KIF21A: variants seen among roughly 807,000 people sequenced by gnomAD.
The protein encoded by KIF21A is kinesin family member 21A.
In KIF21A, 114 loss-of-function variants were observed where a neutral mutation model predicts 202.9. The observed-to-expected ratio is 0.56, with a 90% CI of 0.48 to 0.66. The LOEUF (loss-of-function observed/expected upper bound fraction) is 0.66, where lower values mean the gene tolerates loss of function less well. KIF21A is among the 30% of genes least tolerant of loss of function. The pLI is 0.00. For synonymous variants in KIF21A, 667 were observed against 670.8 expected (o/e 0.99, Z 0.09); for missense variants, 1,677 against 1,994.9 (o/e 0.84, Z 3.04).
intron 1 of KIF21A, among the ~76,000 whole-genome samples, chr12:39,426,110 G>A (rs550567969): frequency 3.3e-5 from 5 of 152,188 alleles, no homozygotes; most frequent in African/African-American, 9.6e-5. Flanking sequence ...ACAAGACACT[G>A]AGATTGATGA....
chr12:39,345,927 G>A (rs1947849086), intron 12 of KIF21A, among the ~76,000 whole-genome samples: 1 of 151,860 alleles, frequency 6.6e-6, no homozygotes, highest in South Asian at 2.1e-4. Flanking sequence ...TCAACCTTAA[G>A]AATGTCTTAT....
chr12:39,403,034 T>A (rs552041991), intron 1 of KIF21A, among the ~76,000 whole-genome samples: 11 of 152,320 alleles, frequency 7.2e-5, no homozygotes, highest in African/African-American at 2.2e-4. Flanking sequence ...TACTCATAAT[T>A]CAAGAATGTG....
At chr12:39,429,055 A>G (rs1176036778) in intron 1 of KIF21A, among the ~76,000 whole-genome samples, 1 of 152,108 alleles carries the variant, frequency 6.6e-6, no homozygotes, top group East Asian at 1.9e-4. Context: ...GTGATCAATT[A>G]TGGGGTCTTA....
Position 39,307,654 on chromosome 12 carries a change from C to A in KIF21A, c.4353G>T (p.Glu1451Asp). 6.2e-7 allele frequency: 1 copy of A among 1,613,938 alleles called. No individual in the cohort carries two copies. Among genetic ancestry groups the A allele is most frequent in the South Asian group, 1.1e-5 (1 of 91,078 alleles). ...TTAGGGCAATTTGATTGATCTGGTT[C>A]TCTCCAGAAGGAATAGCTACTGTTC... is the stretch of plus-strand genomic sequence containing the variant. Reference protein sequence around the residue: ...TSRTVAIPSGENQINQIALNP... With the variant: ...TSRTVAIPSGDNQINQIALNP... Residue 1451 changes from glutamate to aspartate, a missense_variant, in exon 34 of 38, where the codon GAG (glutamate) becomes GAT (aspartate). This residue lies in a region of KIF21A where 705 missense variants were observed against 791.9 expected (regional missense o/e 0.89). Coordinates refer to ENST00000361418, the MANE Select transcript of KIF21A (RefSeq NM_001173464.2).
Position 39,304,766 on chromosome 12 carries a change from C to T in KIF21A, c.4560+55G>A. 4.2e-6 allele frequency: 4 copies of T among 957,502 alleles called. No homozygotes were observed. The South Asian group carries it at 5.2e-5, about 12-fold the overall frequency. The allele number at this position is 957,502 out of a possible 1,614,324, so 59.3% of individuals were successfully genotyped here. A position where few individuals can be genotyped will look rare whatever the true frequency, so the allele number is the denominator to read the frequency against. On this transcript the variant is annotated intron_variant, in intron 35 of 37. Transcript: ENST00000361418. ...AAGAGGTCCTAGATGAATCTGAATACTTCAAAATTATCATTTAATAGACAA... is the reference window on the plus strand; with the variant it reads ...AAGAGGTCCTAGATGAATCTGAATATTTCAAAATTATCATTTAATAGACAA...
At chr12:39,364,937 C>T (rs369160331) in intron 6 of KIF21A, among the ~76,000 whole-genome samples, 26 of 152,280 alleles carry the variant, frequency 1.7e-4, no homozygotes, top group East Asian at 5.8e-4. Context: ...CTAGAGACCA[C>T]GAGATTCCCA....
At chr12:39,390,253 C>T (rs139420485) in intron 1 of KIF21A, among the ~76,000 whole-genome samples, 150 of 152,142 alleles carry the variant, frequency 9.9e-4, no homozygotes, top group Middle Eastern at 3.4e-3. Flanking sequence ...CACTGTAAAA[C>T]CTTTACAAAG....
At chr12:39,374,897 CT>C (rs921884956) in intron 1 of KIF21A, among the ~76,000 whole-genome samples, 18 of 152,122 alleles carry the variant, frequency 1.2e-4, no homozygotes, top group African/African-American at 4.1e-4. Context: ...GAATAAACTA[CT>C]TTTTTTTCCC....
chr12:39,351,886 T>C lies in KIF21A; in HGVS notation c.1564A>G (p.Thr522Ala). Residue 522 changes from threonine to alanine, a missense_variant, in exon 11 of 38, where the codon ACT becomes GCT. Physicochemically the swap from Thr to Ala is moderately conservative, Grantham distance 58. Around this residue, in one of 3 missense-constraint regions of KIF21A, gnomAD observed 966 missense variants for 1,180.9 expected, o/e 0.82. Coordinates refer to ENST00000361418, the MANE Select transcript of KIF21A (RefSeq NM_001173464.2). ...ARAPYFSGSSTFSPTILSSDK... is the reference protein window; with the variant it reads ...ARAPYFSGSSAFSPTILSSDK... ...GAGGATAGTATGGTAGGAGAAAAAGTTGATGATCCGCTGAAATATGGCGCT... is the reference window on the plus strand; with the variant it reads ...GAGGATAGTATGGTAGGAGAAAAAGCTGATGATCCGCTGAAATATGGCGCT... 1 of 1,613,230 alleles carries C rather than the reference T, an allele frequency of 6.2e-7. No individual in the cohort carries two copies. Among genetic ancestry groups the C allele is most frequent in the East Asian group, 2.2e-5 (1 of 44,860 alleles).
intron 1 of KIF21A, among the ~76,000 whole-genome samples, chr12:39,391,294 T>C (rs1247986981): frequency 6.6e-6 from 1 of 151,286 alleles, no homozygotes; most frequent in African/African-American, 2.4e-5. Context: ...TACTGAAGGA[T>C]TCAATAAAAA....
intron 1 of KIF21A, among the ~76,000 whole-genome samples, chr12:39,429,854 GAAA>G (rs1955045732): frequency 6.6e-6 from 1 of 151,624 alleles, no homozygotes; most frequent in South Asian, 2.1e-4. Flanking sequence ...AGAAGGAGGA[GAAA>G]AAAGAAGAGG....
At chr12:39,427,405 AC>A (rs1237661730) in intron 1 of KIF21A, among the ~76,000 whole-genome samples, 1 of 152,170 alleles carries the variant, frequency 6.6e-6, no homozygotes, top group Non-Finnish European at 1.5e-5. Flanking sequence ...TCTACTTTAC[AC>A]ACAAAAGGAC....
At chr12:39,374,052 G>A (rs1333332063) in intron 1 of KIF21A, among the ~76,000 whole-genome samples, 3 of 152,042 alleles carry the variant, frequency 2.0e-5, no homozygotes, top group African/African-American at 7.2e-5. Flanking sequence ...CAAAGACTAG[G>A]GATAGGTTCA....
At chr12:39,408,105 A>T (rs1952757549) in intron 1 of KIF21A, among the ~76,000 whole-genome samples, 1 of 152,136 alleles carries the variant, frequency 6.6e-6, no homozygotes, top group African/African-American at 2.4e-5. Context: ...AGAAAAAAAT[A>T]TAAAAAGTTT....
intron 28 of KIF21A, 94 bp downstream of exon 28, chr12:39,319,812 C>A: frequency 2.3e-6 from 2 of 856,640 alleles, no homozygotes; most frequent in Non-Finnish European, 3.8e-6. Flanking sequence ...CAGCACCAGC[C>A]TAAATCTGGA....
At chr12:39,428,904 G>A (rs1954970481) in intron 1 of KIF21A, among the ~76,000 whole-genome samples, 1 of 151,308 alleles carries the variant, frequency 6.6e-6, no homozygotes, top group South Asian at 2.1e-4. Context: ...GTTGCAGTGA[G>A]CCGGGATGTT....
At chr12:39,397,539 CT>C (rs1951848853) in intron 1 of KIF21A, among the ~76,000 whole-genome samples, 1 of 152,074 alleles carries the variant, frequency 6.6e-6, no homozygotes, top group Non-Finnish European at 1.5e-5. Context: ...TGTGATTGCT[CT>C]TTTCTCTGCA....
chr12:39,360,198 T>G (rs1297111121), intron 7 of KIF21A, among the ~76,000 whole-genome samples: 1 of 151,428 alleles, frequency 6.6e-6, no homozygotes, highest in Non-Finnish European at 1.5e-5. Flanking sequence ...TCAAAGAAAA[T>G]AAAATAAAGC....
intron 1 of KIF21A, among the ~76,000 whole-genome samples, chr12:39,384,456 T>A (rs1950812461): frequency 6.6e-6 from 1 of 152,162 alleles, no homozygotes; most frequent in South Asian, 2.1e-4. Context: ...GTAGACCCGA[T>A]TCTGGATTAT....
Sources: allele counts gnomAD v4.1 joint callset (sites outside exome capture counted in the v4.1 genomes callset), GRCh38; gene constraint gnomAD v4.1.1; regional missense constraint gnomAD v4.1.1; transcripts MANE v1.5; gene names NCBI Gene and HGNC (gene_info 2026-07-23, HGNC 2026-07-21).